Variants in MGMT observed in about 807,000 individuals in gnomAD.
MGMT encodes O-6-methylguanine-DNA methyltransferase.
MGMT carries 14 observed loss-of-function variants against 15.9 expected under a neutral mutation model. The ratio of observed to expected loss-of-function variants is 0.88; its 90% CI spans 0.58 to 1.37. MGMT has a LOEUF of 1.37. Ranked by LOEUF, MGMT falls within the 40% of genes most tolerant of loss-of-function variation. The pLI, the probability that MGMT is intolerant of heterozygous loss-of-function variation, is 0.00. For synonymous variants in MGMT, 130 were observed against 118.2 expected (o/e 1.10, Z -0.65); for missense variants, 282 against 268.1 (o/e 1.05, Z -0.36).
chr10:129,499,664 A>C (rs1270683523), intron 1 of MGMT, among the ~76,000 whole-genome samples: 3 of 152,230 alleles, frequency 2.0e-5, no homozygotes, highest in Non-Finnish European at 2.9e-5. Context: ...GATGAACCTA[A>C]AACCCTTTAA....
intron 3 of MGMT, among the ~76,000 whole-genome samples, chr10:129,739,422 TCTC>T (rs1564780615): frequency 1.3e-5 from 2 of 152,184 alleles, no homozygotes; most frequent in South Asian, 2.1e-4. Flanking sequence ...CAGCCCAAAA[TCTC>T]CTCTTTTTTA....
At chr10:129,520,974 G>A (rs79947492) in intron 1 of MGMT, among the ~76,000 whole-genome samples, 1 of 85,556 alleles carries the variant, frequency 1.2e-5, no homozygotes, top group Admixed American at 1.2e-4. Context: ...CTACGGTGAG[G>A]GTGCAGAGCC....
intron 3 of MGMT, among the ~76,000 whole-genome samples, chr10:129,709,922 G>A (rs919775183): frequency 2.0e-5 from 3 of 152,136 alleles, no homozygotes; most frequent in Non-Finnish European, 2.9e-5. Context: ...AGGTGGCACC[G>A]GAAATAATCA....
At chr10:129,527,096 G>A (rs1473253976) in intron 1 of MGMT, among the ~76,000 whole-genome samples, 1 of 152,242 alleles carries the variant, frequency 6.6e-6, no homozygotes, top group East Asian at 1.9e-4. Flanking sequence ...CGCCGGAGTG[G>A]GAAGTGGGGA....
At chr10:129,528,517 G>T (rs1163164540) in intron 1 of MGMT, among the ~76,000 whole-genome samples, 1 of 151,726 alleles carries the variant, frequency 6.6e-6, no homozygotes, top group Admixed American at 6.6e-5. Flanking sequence ...GGGCAGTGGC[G>T]GGGGGAGCGG....
At chr10:129,663,237 T>C (rs1343058808) in intron 2 of MGMT, among the ~76,000 whole-genome samples, 1 of 152,142 alleles carries the variant, frequency 6.6e-6, no homozygotes, top group Non-Finnish European at 1.5e-5. Flanking sequence ...ACAAGGCCCA[T>C]CCACCTAGAG....
Position 129,759,388 on chromosome 10 carries a change from A to C in MGMT, c.414+47A>C, listed in dbSNP as rs56081699. On this transcript the variant is annotated intron_variant, in intron 4 of 4. Coordinates refer to ENST00000651593, the MANE Select transcript of MGMT (RefSeq NM_002412.5). ...ATGGCTGTGGGTGGCGGGTGCGTGCAGGTGGCAGGGTGTCATCTGATCCCA... is the reference window on the plus strand; with the variant it reads ...ATGGCTGTGGGTGGCGGGTGCGTGCCGGTGGCAGGGTGTCATCTGATCCCA... The C allele has an allele frequency of 5.6e-6, 9 of 1,612,326 alleles. No homozygotes were observed. The East Asian group carries it at 1.1e-4, about 20-fold the overall frequency.
intron 2 of MGMT, among the ~76,000 whole-genome samples, chr10:129,675,712 C>G (rs1425349628): frequency 6.6e-6 from 1 of 152,158 alleles, no homozygotes; most frequent in African/African-American, 2.4e-5. Context: ...AGCCACACAC[C>G]CACTGCTGCT....
intron 2 of MGMT, among the ~76,000 whole-genome samples, chr10:129,581,780 G>A (rs566388002): frequency 3.3e-4 from 51 of 152,356 alleles, no homozygotes; most frequent in African/African-American, 1.1e-3. Context: ...AGGTGTGGGC[G>A]TGAGCATGCC....
At chr10:129,766,290 T>C (rs1348171687) in intron 4 of MGMT, among the ~76,000 whole-genome samples, 1 of 152,118 alleles carries the variant, frequency 6.6e-6, no homozygotes, top group Non-Finnish European at 1.5e-5. Context: ...CAAAAGCAGG[T>C]GGTGGGCTGC....
chr10:129,510,128 T>A (rs1537690), intron 1 of MGMT, among the ~76,000 whole-genome samples: 5 of 152,198 alleles, frequency 3.3e-5, no homozygotes, highest in Admixed American at 1.3e-4. Context: ...GTACCAGGAC[T>A]CCAGGAGTTG....
At position 129,739,708 on chromosome 10, in the gene MGMT, GC is replaced by G. The variant is rs1564780804; in HGVS notation, c.275-19491del. ...ATCCTCAGCCTGCGAGCCACCTGCA[GC>G]CCAGGATAGCTTTGAATGTGGCCCA... On this transcript the variant is annotated intron_variant, in intron 3 of 4. Transcript: ENST00000651593. Among the ~76,000 whole-genome samples the G allele has an allele frequency of 3.3e-5, 5 of 152,328 alleles. No homozygotes were observed. In the South Asian group the frequency reaches 6.2e-4, roughly 19 times the overall value.
intron 1 of MGMT, among the ~76,000 whole-genome samples, chr10:129,488,050 C>T (rs909889524): frequency 4.8e-5 from 7 of 147,296 alleles, no homozygotes; most frequent in East Asian, 2.0e-4. Context: ...CATGAATATA[C>T]CTATATGGTT....
chr10:129,728,175 C>T (rs1228382747), intron 3 of MGMT, among the ~76,000 whole-genome samples: 1 of 152,118 alleles, frequency 6.6e-6, no homozygotes, highest in Admixed American at 6.5e-5. Flanking sequence ...GGACCTGAAG[C>T]AGCTGTGACC....
intron 2 of MGMT, among the ~76,000 whole-genome samples, chr10:129,643,900 C>G (rs1035942516): frequency 6.6e-6 from 1 of 152,130 alleles, no homozygotes; most frequent in Non-Finnish European, 1.5e-5. Flanking sequence ...GGTAACCTGG[C>G]TTGAGGTTTT....
chr10:129,741,719 T>C (rs1191003815), intron 3 of MGMT, among the ~76,000 whole-genome samples: 1 of 152,224 alleles, frequency 6.6e-6, no homozygotes, highest in Non-Finnish European at 1.5e-5. Flanking sequence ...ACCACTCAGC[T>C]TTCTCATGCA....
At chr10:129,692,896 C>G (rs1278732046) in intron 2 of MGMT, among the ~76,000 whole-genome samples, 1 of 152,252 alleles carries the variant, frequency 6.6e-6, no homozygotes, top group African/African-American at 2.4e-5. Flanking sequence ...CGCGGTTGCT[C>G]TCATCCGTCG....
At chr10:129,611,402 G>C (rs1175498738) in intron 2 of MGMT, among the ~76,000 whole-genome samples, 5 of 152,140 alleles carry the variant, frequency 3.3e-5, no homozygotes, top group Non-Finnish European at 7.4e-5. Flanking sequence ...CAGATCTCTT[G>C]AGAACTCACT....
chr10:129,563,362 T>A (rs1298084416), intron 2 of MGMT, among the ~76,000 whole-genome samples: 1 of 152,050 alleles, frequency 6.6e-6, no homozygotes, highest in Admixed American at 6.6e-5. Flanking sequence ...GTGAACTAGA[T>A]CTCGTTGGTG....
Sources: allele counts gnomAD v4.1 joint callset (sites outside exome capture counted in the v4.1 genomes callset), GRCh38; gene constraint gnomAD v4.1.1; transcripts MANE v1.5; gene names NCBI Gene and HGNC (gene_info 2026-07-23, HGNC 2026-07-21).